The following RUNX2 variants were observed in gnomAD, a reference collection of about 807,000 sequenced individuals.
RUNX2 encodes the protein runt-related transcription factor 2.
Under a neutral mutation model 51.7 loss-of-function variants are expected in RUNX2, and 10 were observed. The observed-to-expected ratio is 0.19, with a 90% CI of 0.12 to 0.33. The LOEUF is 0.33. RUNX2 is among the 10% of genes least tolerant of loss of function. RUNX2 has a pLI of 1.00. For missense variants in RUNX2, 562 were observed against 691.3 expected (o/e 0.81, Z 2.10); for synonymous variants, 276 against 273.6 (o/e 1.01, Z -0.09).
chr6:45,473,019 G>A (rs896463535), intron 5 of RUNX2, among the ~76,000 whole-genome samples: 40 of 152,192 alleles, frequency 2.6e-4, no homozygotes, highest in African/African-American at 9.6e-4. Flanking sequence ...AACCTGGTGT[G>A]AGTTAGCATA....
Position 45,455,606 on chromosome 6 carries a change from C to T in RUNX2, c.685+17555C>T, listed in dbSNP as rs185226169. ...TGAGTATAAACCCGAGATTAGCACC[C>T]GTAAAGGTCCATAAAGGGCTTAATT... is the stretch of plus-strand genomic sequence containing the variant. On this transcript the variant is annotated intron_variant, in intron 5 of 8. Transcript: ENST00000647337. 6.6e-5 allele frequency among the ~76,000 whole-genome samples: 10 copies of T among 152,158 alleles called. No individual in the cohort carries two copies. In the East Asian group the frequency reaches 1.2e-3, roughly 18 times the overall value.
Position 45,428,329 on chromosome 6 carries a change from G to GA in RUNX2, c.424-3528dup, listed in dbSNP as rs577767257. The stretch of plus-strand genomic sequence containing the variant: ...TTTTAGCTTCAGAGATCTACTTAAA[G>GA]AAAAAACCTCTCAAACATATAATTA... On this transcript the variant is annotated intron_variant, in intron 3 of 8. Transcript: ENST00000647337. 1.5e-4 allele frequency among the ~76,000 whole-genome samples: 23 copies of GA among 152,086 alleles called. No individual in the cohort carries two copies. The East Asian group carries it at 2.7e-3, about 18-fold the overall frequency.
chr6:45,467,925 T>C (rs1799684350), intron 5 of RUNX2, among the ~76,000 whole-genome samples: 1 of 152,254 alleles, frequency 6.6e-6, no homozygotes, highest in South Asian at 2.1e-4. Context: ...TTCTTCTAGC[T>C]ACCAGCCTCT....
chr6:45,373,494 T>C (rs887919737), intron 2 of RUNX2, among the ~76,000 whole-genome samples: 14 of 152,072 alleles, frequency 9.2e-5, no homozygotes, highest in Admixed American at 5.2e-4. Context: ...CCGTAGAAAA[T>C]ATATTGTGAC....
intron 2 of RUNX2, among the ~76,000 whole-genome samples, chr6:45,403,662 T>C (rs913076875): frequency 6.6e-6 from 1 of 152,202 alleles, no homozygotes; most frequent in Non-Finnish European, 1.5e-5. Flanking sequence ...TTCTAACTAG[T>C]CTTTATTGAA....
intron 2 of RUNX2, among the ~76,000 whole-genome samples, chr6:45,406,084 AC>A (rs1436267980): frequency 6.6e-6 from 1 of 152,172 alleles, no homozygotes; most frequent in Non-Finnish European, 1.5e-5. Context: ...CAATCTCTCT[AC>A]CTATTTCACA....
chr6:45,356,360 A>T (rs1283135878), intron 2 of RUNX2, among the ~76,000 whole-genome samples: 1 of 152,104 alleles, frequency 6.6e-6, no homozygotes, highest in Non-Finnish European at 1.5e-5. Context: ...ATATATGTTA[A>T]CATCTTAAAA....
intron 5 of RUNX2, among the ~76,000 whole-genome samples, chr6:45,472,092 G>A (rs1400324711): frequency 6.6e-6 from 1 of 151,994 alleles, no homozygotes; most frequent in Non-Finnish European, 1.5e-5. Flanking sequence ...TAATTCTCAT[G>A]CACGACTAGG....
At chr6:45,420,420 G>A (rs1798155089) in intron 2 of RUNX2, among the ~76,000 whole-genome samples, 1 of 152,232 alleles carries the variant, frequency 6.6e-6, no homozygotes, top group Admixed American at 6.5e-5. Flanking sequence ...ACGAGGGTGA[G>A]GGAGGCGTTT....
chr6:45,405,511 G>A (rs1441270990), intron 2 of RUNX2, among the ~76,000 whole-genome samples: 1 of 152,172 alleles, frequency 6.6e-6, no homozygotes, highest in African/African-American at 2.4e-5. Flanking sequence ...ATGGTAGGCT[G>A]GGCGCAGTGG....
chr6:45,465,063 A>C (rs1799587219), intron 5 of RUNX2, among the ~76,000 whole-genome samples: 1 of 152,242 alleles, frequency 6.6e-6, no homozygotes, highest in Admixed American at 6.5e-5. Context: ...TTTAGAATTT[A>C]TATGTGACTC....
At chr6:45,518,103 T>G (rs1431546383) in intron 7 of RUNX2, among the ~76,000 whole-genome samples, 1 of 152,230 alleles carries the variant, frequency 6.6e-6, no homozygotes, top group African/African-American at 2.4e-5. Flanking sequence ...CACTAGAGCA[T>G]CTACTTTTTA....
chr6:45,468,231 C>T (rs1348928149), intron 5 of RUNX2, among the ~76,000 whole-genome samples: 1 of 152,208 alleles, frequency 6.6e-6, no homozygotes, highest in Non-Finnish European at 1.5e-5. Flanking sequence ...TTACTATCCT[C>T]AATGAAATCT....
rs1463007097 is a variant in RUNX2 at position 45,548,752 on chromosome 6, A to C, written c.*1447A>C. 5.8e-6 allele frequency: 1 copy of C among 171,514 alleles called. No homozygotes were observed. 10.6% of individuals were successfully genotyped at this position (171,514 alleles called of 1,614,324 possible). Reference sequence around the variant, plus strand: ...TGGATAGAGGGTTCAATTATGAGACACCTAGTACAGGAGAGCAAAATTGCA... The same window carrying C: ...TGGATAGAGGGTTCAATTATGAGACCCCTAGTACAGGAGAGCAAAATTGCA... On this transcript the variant is annotated 3_prime_UTR_variant, in exon 9 of 9. Coordinates refer to ENST00000647337, the MANE Select transcript of RUNX2 (RefSeq NM_001024630.4).
At chr6:45,331,751 C>A (rs560956224) in intron 2 of RUNX2, among the ~76,000 whole-genome samples, 2 of 151,970 alleles carry the variant, frequency 1.3e-5, no homozygotes, top group South Asian at 4.2e-4. Context: ...CAATCCGTCT[C>A]TATATCACAA....
intron 2 of RUNX2, among the ~76,000 whole-genome samples, chr6:45,384,613 A>T (rs1038013047): frequency 1.1e-4 from 16 of 147,224 alleles, no homozygotes; most frequent in African/African-American, 4.0e-4. Context: ...ATAATTAGTT[A>T]TTGAGTAATT....
intron 5 of RUNX2, among the ~76,000 whole-genome samples, chr6:45,466,285 C>G (rs755151685): frequency 6.6e-6 from 1 of 151,602 alleles, no homozygotes; most frequent in South Asian, 2.1e-4. Context: ...TGCACTCCAG[C>G]CTGGGCAACA....
chr6:45,446,976 A>C (rs1409303496), intron 5 of RUNX2, among the ~76,000 whole-genome samples: 1 of 152,262 alleles, frequency 6.6e-6, no homozygotes, highest in Non-Finnish European at 1.5e-5. Flanking sequence ...CTGCTACTGC[A>C]CACTGGTGGT....
chr6:45,465,444 A>G (rs1013460481), intron 5 of RUNX2, among the ~76,000 whole-genome samples: 8 of 152,026 alleles, frequency 5.3e-5, no homozygotes, highest in Non-Finnish European at 8.8e-5. Flanking sequence ...TTTTAGTACT[A>G]TGCATACCTT....
Sources: gnomAD v4.1 joint callset for allele counts (sites outside exome capture counted in the v4.1 genomes callset) on GRCh38, gnomAD v4.1.1 for gene constraint, MANE v1.5 for transcripts, NCBI Gene and HGNC (gene_info 2026-07-23, HGNC 2026-07-21) for gene names.